Variants in AP3D1 observed in about 807,000 individuals in gnomAD.
AP3D1 encodes adaptor related protein complex 3 subunit delta 1, also known as AP-3 complex subunit delta-1.
AP3D1 carries 51 observed loss-of-function variants against 147.6 expected under a neutral mutation model. The ratio of observed to expected loss-of-function variants is 0.35; its 90% confidence interval spans 0.28 to 0.44. The LOEUF is 0.44. Among genes scored for constraint, AP3D1 ranks in the 20% least tolerant of loss-of-function variants. The pLI is 1.00. For missense variants in AP3D1, 1,421 were observed against 1,624.2 expected (o/e 0.87, Z 2.15); for synonymous variants, 760 against 663.0 (o/e 1.15, Z -2.25).
chr19:2,107,488 C>A (rs2018144262), intron 31 of AP3D1, among the ~76,000 whole-genome samples: 1 of 151,804 alleles, frequency 6.6e-6, no homozygotes. Context: ...AGCCTGTAAT[C>A]CTAGCACTTT....
chr19:2,159,280 G>A (rs1268742334), intron 1 of AP3D1, among the ~76,000 whole-genome samples: 22 of 149,002 alleles, frequency 1.5e-4, no homozygotes, highest in African/African-American at 4.7e-4. Flanking sequence ...GTGCAATGGC[G>A]CGATCTCAGC....
At chr19:2,158,232 AT>A (rs2019664707) in intron 1 of AP3D1, among the ~76,000 whole-genome samples, 1 of 151,418 alleles carries the variant, frequency 6.6e-6, no homozygotes. Context: ...ATTTTTTCGT[AT>A]TTTTAGTAGA....
At chr19:2,159,711 T>C (rs978908635) in intron 1 of AP3D1, among the ~76,000 whole-genome samples, 1 of 149,478 alleles carries the variant, frequency 6.7e-6, no homozygotes, top group African/African-American at 2.5e-5. Flanking sequence ...TTGTATTTTT[T>C]TTTTTTTGAG....
rs748176423 is a variant in AP3D1, at chr19:2,115,470, G to C, written c.2150-52C>G. 4 of 1,608,432 alleles carry C rather than the reference G, an allele frequency of 2.5e-6. No homozygotes were observed. In the South Asian group the frequency reaches 4.4e-5, roughly 18 times the overall value. On this transcript the variant is annotated intron_variant, in intron 19 of 31. Coordinates refer to ENST00000643116, the MANE Select transcript of AP3D1 (RefSeq NM_001261826.3). ...CAGCACTGCACCCCAGGGGCTCACG[G>C]GGAGGGCGGCGGGAGCACCCCACAG...
intron 1 of AP3D1, among the ~76,000 whole-genome samples, chr19:2,143,983 G>A (rs2019291802): frequency 6.6e-6 from 1 of 152,018 alleles, no homozygotes; most frequent in African/African-American, 2.4e-5. Context: ...CTACTCGGGA[G>A]GCTGAGGCAA....
Position 2,101,963 on chromosome 19 carries a change from A to C in AP3D1, c.*210T>G. 1.8e-6 allele frequency: 1 copy of C among 543,010 alleles called. No homozygotes were observed. The highest frequency in any genetic ancestry group is 3.3e-6 in the Non-Finnish European group (1 of 307,030). The allele number at this position is 543,010 out of a possible 1,614,324, so 33.6% of individuals were successfully genotyped here. ...GGGGGCGAGAAGGGGACTTCTTGCC[A>C]AAGAGAATGGGAAGAGTCACAGTAA... On this transcript the variant is annotated 3_prime_UTR_variant, in exon 32 of 32. Coordinates refer to ENST00000643116, the MANE Select transcript of AP3D1 (RefSeq NM_001261826.3).
rs1347446126 is a variant in AP3D1 at position 2,138,685 on chromosome 19, C to T, written c.126G>A (p.Glu42=). 1 of 1,613,684 alleles carries T rather than the reference C, an allele frequency of 6.2e-7. No homozygotes were observed. Among genetic ancestry groups the T allele is most frequent in the South Asian group, 1.1e-5 (1 of 91,084 alleles). The change falls in exon 2 of 32, where the codon GAG becomes GAA. Residue 42 remains glutamate, a synonymous_variant. Transcript: ENST00000643116. ...EAKYISQCID[E]IKQELKQDNI... is the part of the protein sequence containing the mutation. ...TGTCCTGCTTCAGCTCCTGCTTGATCTCATCAATGCACTGAGATATGTATT... is the reference window on the plus strand; with the variant it reads ...TGTCCTGCTTCAGCTCCTGCTTGATTTCATCAATGCACTGAGATATGTATT...
At chr19:2,128,033 T>C (rs1266345141) in intron 8 of AP3D1, among the ~76,000 whole-genome samples, 4 of 152,212 alleles carry the variant, frequency 2.6e-5, no homozygotes, top group African/African-American at 4.8e-5. Context: ...ATGACACCCT[T>C]CTGTGAATGT....
chr19:2,143,891 C>G (rs2019289349), intron 1 of AP3D1, among the ~76,000 whole-genome samples: 1 of 152,034 alleles, frequency 6.6e-6, no homozygotes, highest in Non-Finnish European at 1.5e-5. Context: ...AGTTCGAGAC[C>G]AGTCTGACCA....
chr19:2,160,628 G>A (rs2019689096), intron 1 of AP3D1, among the ~76,000 whole-genome samples: 1 of 152,116 alleles, frequency 6.6e-6, no homozygotes, highest in Admixed American at 6.5e-5. Context: ...AGGGGCACAG[G>A]CATTGGTCCA....
chr19:2,163,766 G>C (rs1168500547), intron 1 of AP3D1, among the ~76,000 whole-genome samples: 1 of 151,538 alleles, frequency 6.6e-6, no homozygotes, highest in African/African-American at 2.4e-5. Context: ...ACGTGCGTGC[G>C]TACGTTCGTG....
chr19:2,108,967 C>A, intron 30 of AP3D1, 119 bp downstream of exon 30: 2 of 1,503,592 alleles, frequency 1.3e-6, no homozygotes, highest in Non-Finnish European at 1.8e-6. Flanking sequence ...ACCAGCCACC[C>A]GGGATCCCAA....
intron 1 of AP3D1, among the ~76,000 whole-genome samples, chr19:2,156,588 C>T (rs1046269183): frequency 2.0e-5 from 3 of 151,622 alleles, no homozygotes; most frequent in African/African-American, 4.8e-5. Context: ...CGGTGGCTCA[C>T]GCCTGTAATC....
intron 11 of AP3D1, among the ~76,000 whole-genome samples, chr19:2,122,942 C>CACCT (rs2018651547): frequency 6.6e-6 from 1 of 152,236 alleles, no homozygotes; most frequent in South Asian, 2.1e-4. Context: ...TGCAGGCAGG[C>CACCT]ACCTGGGCAA....
intron 1 of AP3D1, among the ~76,000 whole-genome samples, chr19:2,146,600 CCT>C (rs1414032813): frequency 6.9e-6 from 1 of 145,386 alleles, no homozygotes; most frequent in African/African-American, 2.6e-5. Flanking sequence ...GGAGCAAGAC[CCT>C]GTCTCAAAAA....
chr19:2,163,236 G>T (rs978750485), intron 1 of AP3D1, among the ~76,000 whole-genome samples: 2 of 152,088 alleles, frequency 1.3e-5, no homozygotes, highest in African/African-American at 4.8e-5. Flanking sequence ...ACCGCGCCCA[G>T]CTAATTTTTG....
intron 1 of AP3D1, among the ~76,000 whole-genome samples, chr19:2,147,057 C>T (rs934944070): frequency 4.9e-5 from 7 of 142,768 alleles, no homozygotes; most frequent in Non-Finnish European, 1.1e-4. Context: ...AAAACCCGCT[C>T]AGTTCGGCTG....
At chr19:2,138,888 C>T (rs917729676) in intron 1 of AP3D1, among the ~76,000 whole-genome samples, 174 bp from the exon 2 acceptor site, 2 of 151,558 alleles carry the variant, frequency 1.3e-5, no homozygotes, top group African/African-American at 2.4e-5. Flanking sequence ...GGTGAAACCC[C>T]GCCTCTACTA....
At chr19:2,132,920 C>G (rs2018987716) in intron 4 of AP3D1, among the ~76,000 whole-genome samples, 1 of 152,094 alleles carries the variant, frequency 6.6e-6, no homozygotes, top group Admixed American at 6.6e-5. Flanking sequence ...GGGCTGGGGA[C>G]AGAGAGGTCT....
Sources: allele counts gnomAD v4.1 joint callset (sites outside exome capture counted in the v4.1 genomes callset), GRCh38; gene constraint gnomAD v4.1.1; transcripts MANE v1.5; gene names NCBI Gene and HGNC (gene_info 2026-07-23, HGNC 2026-07-21).